Variants in ASCL5 observed in about 807,000 individuals in gnomAD.
ASCL5 encodes achaete-scute homolog 5.
For missense variants in ASCL5, 262 were observed against 268.9 expected (o/e 0.97, Z 0.18); for synonymous variants, 124 against 131.5 (o/e 0.94, Z 0.39).
chr1:201,115,504 C>T lies in ASCL5; in HGVS notation c.-132G>A, dbSNP rs373921174. On this transcript the variant is annotated 5_prime_UTR_variant, in exon 2 of 2. Transcript: ENST00000449188. Reference sequence around the variant, plus strand: ...CTTGGGTACCAGGACTTGCTAGGGCCTCTTTTCGCCCTTTAGGGTGGCTTC... The same window carrying T: ...CTTGGGTACCAGGACTTGCTAGGGCTTCTTTTCGCCCTTTAGGGTGGCTTC... The T allele has an allele frequency of 1.5e-6, 1 of 665,002 alleles. No homozygotes were observed. The highest frequency in any genetic ancestry group is 1.9e-5 in the African/African-American group (1 of 53,610). The allele number at this position is 665,002 out of a possible 1,614,324, so 41.2% of individuals were successfully genotyped here.
rs1332200291 is a variant in ASCL5 at position 201,114,901 on chromosome 1, C to A, written c.472G>T (p.Gly158Trp). 3.3e-6 allele frequency: 4 copies of A among 1,229,820 alleles called. No individual in the cohort carries two copies. The highest frequency in any genetic ancestry group is 3.1e-5 in the African/African-American group (2 of 64,288). 76.2% of individuals were successfully genotyped at this position (1,229,820 alleles called of 1,614,324 possible). The change falls in exon 2 of 2, where the codon GGG (glycine) becomes TGG (tryptophan). Residue 158 changes from glycine to tryptophan, a missense_variant. Transcript: ENST00000449188. ...GTGGCGGGCGGCGCGGGGCAGGGCC[C>A]GGTGCCCGGGAGGCCGCGGGAAGCG... ...PPASRGLPGT[G>W]PCPAPPATPR...
At chr1:201,123,446 C>T (rs1290196862) in intron 1 of ASCL5, among the ~76,000 whole-genome samples, 1 of 152,194 alleles carries the variant, frequency 6.6e-6, no homozygotes, top group Non-Finnish European at 1.5e-5. Context: ...TATATGCCAG[C>T]CGCTGTTCTA....
At chr1:201,126,751 C>T (rs1663587812) in intron 1 of ASCL5, among the ~76,000 whole-genome samples, 1 of 152,204 alleles carries the variant, frequency 6.6e-6, no homozygotes. Context: ...CTCTGCACCT[C>T]CTGAGCCTGC....
At chr1:201,125,788 G>C (rs1663568119) in intron 1 of ASCL5, among the ~76,000 whole-genome samples, 1 of 152,208 alleles carries the variant, frequency 6.6e-6, no homozygotes, top group Admixed American at 6.5e-5. Context: ...TAATTGAATT[G>C]CTGCTGGATG....
chr1:201,116,013 T>C (rs1197476345), intron 1 of ASCL5, 136 bp from the exon 2 acceptor site: 4 of 152,196 alleles, frequency 2.6e-5, no homozygotes, highest in Non-Finnish European at 5.9e-5. Context: ...GGGGCACAGA[T>C]CTGGGTTAAA....
chr1:201,115,080 C>A lies in ASCL5; in HGVS notation c.293G>T (p.Cys98Phe), dbSNP rs1663310406. 1 of 1,231,910 alleles carries A rather than the reference C, an allele frequency of 8.1e-7. No individual in the cohort carries two copies. The highest frequency in any genetic ancestry group is 3.2e-5 in the East Asian group (1 of 31,696). 76.3% of individuals were successfully genotyped at this position (1,231,910 alleles called of 1,614,324 possible). The change falls in exon 2 of 2, where the codon TGC (cysteine) becomes TTC (phenylalanine). Residue 98 changes from cysteine to phenylalanine, a missense_variant. Cys to Phe is a radical substitution (Grantham distance 205). Coordinates refer to ENST00000449188, the MANE Select transcript of ASCL5 (RefSeq NM_001270601.2). ...GAGGCGAGCGTAGCCCTCGTTGACG[C>A]ACTTGACTCGCTGCCTCTCGCGCTC... The part of the protein sequence containing the change: ...RNERERQRVK[C>F]VNEGYARLRG...
intron 1 of ASCL5, among the ~76,000 whole-genome samples, chr1:201,120,269 C>T (rs1168794322): frequency 1.3e-5 from 2 of 152,158 alleles, no homozygotes; most frequent in Non-Finnish European, 2.9e-5. Context: ...CTAGTGTTTG[C>T]CCCACCAATA....
chr1:201,123,545 G>A (rs1472870831), intron 1 of ASCL5, among the ~76,000 whole-genome samples: 1 of 152,218 alleles, frequency 6.6e-6, no homozygotes, highest in Non-Finnish European at 1.5e-5. Context: ...GGCAAAGAGT[G>A]GTTAAGCAAA....
intron 1 of ASCL5, among the ~76,000 whole-genome samples, chr1:201,121,028 C>A (rs758943407): frequency 3.9e-5 from 6 of 152,216 alleles, no homozygotes; most frequent in Non-Finnish European, 8.8e-5. Context: ...TGCCTCCAGG[C>A]AAGGTGGTTG....
chr1:201,114,804 G>T lies in ASCL5; in HGVS notation c.569C>A (p.Ser190Tyr). 25 of 1,230,092 alleles carry T rather than the reference G, an allele frequency of 2.0e-5. No individual in the cohort carries two copies. Among genetic ancestry groups the T allele is most frequent in the Non-Finnish European group, 2.5e-5 (25 of 987,014 alleles). The allele number at this position is 1,230,092 out of a possible 1,614,324, so 76.2% of individuals were successfully genotyped here. The change falls in exon 2 of 2, where the codon TCC becomes TAC. Residue 190 changes from serine to tyrosine, a missense_variant. Physicochemically the swap from Ser to Tyr is moderately radical, Grantham distance 144. Coordinates refer to ENST00000449188, the MANE Select transcript of ASCL5 (RefSeq NM_001270601.2). ...PSSLVPESSE[S>Y]SCFSPSPFLE... is the part of the protein sequence containing the mutation. ...GAAAGGCGACGGGGAGAAGCAGGAG[G>T]ACTCGGATGACTCCGGCACCAGGGA...
chr1:201,114,686 G>A lies in ASCL5; in HGVS notation c.*66C>T. ...ATCGCGGGTGACCCAACAGCCTCCC[G>A]CTGCTCCCGAAAGTGGGACGGGGCC... On this transcript the variant is annotated 3_prime_UTR_variant, in exon 2 of 2. Transcript: ENST00000449188. 2 of 1,218,004 alleles carry A rather than the reference G, an allele frequency of 1.6e-6. No individual in the cohort carries two copies. Among genetic ancestry groups the A allele is most frequent in the African/African-American group, 1.6e-5 (1 of 64,108 alleles). 75.4% of individuals were successfully genotyped at this position (1,218,004 alleles called of 1,614,324 possible).
chr1:201,125,178 C>G (rs897439440), intron 1 of ASCL5, among the ~76,000 whole-genome samples: 1 of 152,190 alleles, frequency 6.6e-6, no homozygotes, highest in Non-Finnish European at 1.5e-5. Flanking sequence ...GCACTCACTT[C>G]CTAAGGTTAC....
chr1:201,118,162 G>T (rs1250712110), intron 1 of ASCL5, among the ~76,000 whole-genome samples: 3 of 152,122 alleles, frequency 2.0e-5, no homozygotes, highest in Non-Finnish European at 4.4e-5. Flanking sequence ...TATTTCTTAA[G>T]CCAATTCTGT....
chr1:201,114,706 G>A lies in ASCL5; in HGVS notation c.*46C>T. 8.1e-7 allele frequency: 1 copy of A among 1,228,754 alleles called. No homozygotes were observed. Among genetic ancestry groups the A allele is most frequent in the East Asian group, 3.2e-5 (1 of 31,536 alleles). 76.1% of individuals were successfully genotyped at this position (1,228,754 alleles called of 1,614,324 possible). A position where few individuals can be genotyped will look rare whatever the true frequency, so the allele number is the denominator to read the frequency against. Reference sequence around the variant, plus strand: ...CTCCCGCTGCTCCCGAAAGTGGGACGGGGCCGGCGGATCATCCTCCAAGCC... The same window carrying A: ...CTCCCGCTGCTCCCGAAAGTGGGACAGGGCCGGCGGATCATCCTCCAAGCC... On this transcript the variant is annotated 3_prime_UTR_variant, in exon 2 of 2. Coordinates refer to ENST00000449188, the MANE Select transcript of ASCL5 (RefSeq NM_001270601.2).
Position 201,115,009 on chromosome 1 carries a change from C to T in ASCL5, c.364G>A (p.Val122Met), listed in dbSNP as rs1018089460. The change falls in exon 2 of 2, where the codon GTG becomes ATG. Residue 122 changes from valine to methionine, a missense_variant. Transcript: ENST00000449188. ...GALAEKRLSKVETLRAAIRYI... is the reference protein window; with the variant it reads ...GALAEKRLSKMETLRAAIRYI... ...CGGATGGCGGCGCGCAGCGTCTCCA[C>T]CTTGCTGAGTCGCTTCTCAGCCAGG... The T allele has an allele frequency of 8.1e-7, 1 of 1,231,866 alleles. No individual in the cohort carries two copies. Among genetic ancestry groups the T allele is most frequent in the South Asian group, 4.1e-5 (1 of 24,336 alleles). 76.3% of individuals were successfully genotyped at this position (1,231,866 alleles called of 1,614,324 possible). A position where few individuals can be genotyped will look rare whatever the true frequency, so the allele number is the denominator to read the frequency against.
chr1:201,122,654 G>T (rs1245882921), intron 1 of ASCL5, among the ~76,000 whole-genome samples: 1 of 152,056 alleles, frequency 6.6e-6, no homozygotes, highest in Admixed American at 6.5e-5. Context: ...AGTAATGATT[G>T]TTACAGGATC....
rs147220845 is a variant in ASCL5 at position 201,115,791 on chromosome 1, G to A, written c.-419C>T. ...CTGGTCCTTGGTCCTCGCGGCCTTC[G>A]GGATCCCCGGGCTGTCCGGGGTCCC... On this transcript the variant is annotated 5_prime_UTR_variant, in exon 2 of 2. Coordinates refer to ENST00000449188, the MANE Select transcript of ASCL5 (RefSeq NM_001270601.2). The A allele has an allele frequency of 3.4e-4, 52 of 154,720 alleles. No homozygotes were observed. The East Asian group carries it at 8.9e-3, about 27-fold the overall frequency. The allele number at this position is 154,720 out of a possible 1,614,324, so 9.6% of individuals were successfully genotyped here. A position where few individuals can be genotyped will look rare whatever the true frequency, so the allele number is the denominator to read the frequency against.
At chr1:201,117,733 G>A (rs184160641) in intron 1 of ASCL5, among the ~76,000 whole-genome samples, 84 of 152,228 alleles carry the variant, frequency 5.5e-4, no homozygotes, top group Middle Eastern at 3.4e-3. Context: ...TGAGCGCTCC[G>A]GCTTCCAACA....
intron 1 of ASCL5, among the ~76,000 whole-genome samples, chr1:201,122,648 A>G (rs770123824): frequency 6.6e-6 from 1 of 152,074 alleles, no homozygotes; most frequent in African/African-American, 2.4e-5. Context: ...TTTATGAGTA[A>G]TGATTGTTAC....
Sources: gnomAD v4.1 joint callset for allele counts (sites outside exome capture counted in the v4.1 genomes callset) on GRCh38, gnomAD v4.1.1 for gene constraint, MANE v1.5 for transcripts, NCBI Gene and HGNC (gene_info 2026-07-23, HGNC 2026-07-21) for gene names.